TMEM131L: variants seen among roughly 807,000 people sequenced by gnomAD.
TMEM131L encodes the protein transmembrane 131 like.
TMEM131L carries 54 observed loss-of-function variants against 192.2 expected under a neutral mutation model. That is an observed-to-expected ratio of 0.28 (90% CI 0.23 to 0.35). TMEM131L has a LOEUF of 0.35. TMEM131L is among the 10% of genes least tolerant of loss of function. The pLI is 1.00. For synonymous variants in TMEM131L, 701 were observed against 704.9 expected (o/e 0.99, Z 0.09); for missense variants, 1,888 against 1,972.9 (o/e 0.96, Z 0.82).
Position 153,556,991 on chromosome 4 carries a change from C to G in TMEM131L, c.458C>G (p.Ser153Cys). The G allele has an allele frequency of 6.3e-7, 1 of 1,598,784 alleles. No individual in the cohort carries two copies. The highest frequency in any genetic ancestry group is 8.6e-7 in the Non-Finnish European group (1 of 1,167,926). Residue 153 changes from serine to cysteine, a missense_variant, in exon 6 of 35, where the codon TCC (serine) becomes TGC (cysteine). Physicochemically the swap from Ser to Cys is moderately radical, Grantham distance 112. Coordinates refer to ENST00000409959, the MANE Select transcript of TMEM131L (RefSeq NM_001131007.2). ...GTAATTCCAGCAATGGGGAAAACTT[C>G]CTTCAGAATTATTTTCTTACCTACT... ...CRVIPAMGKT[S>C]FRIIFLPTEE...
intron 24 of TMEM131L, 111 bp from the exon 25 acceptor site, chr4:153,603,691 A>C: frequency 8.0e-7 from 1 of 1,257,270 alleles, no homozygotes; most frequent in Non-Finnish European, 1.1e-6. Context: ...AAGGGAAGGT[A>C]AAACTTACAC....
chr4:153,473,635 T>C (rs1731312383), intron 2 of TMEM131L, among the ~76,000 whole-genome samples: 1 of 152,022 alleles, frequency 6.6e-6, no homozygotes, highest in African/African-American at 2.4e-5. Context: ...CTACTAAAAA[T>C]ACAAAAATTA....
At chr4:153,597,624 A>G (rs1337315203) in intron 20 of TMEM131L, among the ~76,000 whole-genome samples, 4 of 152,324 alleles carry the variant, frequency 2.6e-5, no homozygotes, top group East Asian at 1.9e-4. Context: ...TTTCACTCCA[A>G]TATGCATCAT....
intron 16 of TMEM131L, among the ~76,000 whole-genome samples, chr4:153,589,250 C>G (rs191713619): frequency 1.3e-5 from 2 of 152,148 alleles, no homozygotes; most frequent in Admixed American, 1.3e-4. Context: ...TCTATTAAGT[C>G]GACAACTTTC....
Position 153,466,787 on chromosome 4 carries a change from G to C in TMEM131L, c.124+266G>C, listed in dbSNP as rs552195645. Among the ~76,000 whole-genome samples, 17 of 152,238 alleles carry C rather than the reference G, an allele frequency of 1.1e-4. No individual in the cohort carries two copies. In the East Asian group the frequency reaches 2.9e-3, roughly 26 times the overall value. ...CTCGCGCCCTGGAGCCTTTGTGCGC[G>C]GGCCCCTGCGCCCCGGGCGCAGCCC... On this transcript the variant is annotated intron_variant, in intron 1 of 34. Coordinates refer to ENST00000409959, the MANE Select transcript of TMEM131L (RefSeq NM_001131007.2).
chr4:153,608,679 A>G (rs1732407692), intron 25 of TMEM131L, among the ~76,000 whole-genome samples: 1 of 152,214 alleles, frequency 6.6e-6, no homozygotes, highest in African/African-American at 2.4e-5. Context: ...AGAAATTCCA[A>G]AAATGTTCCT....
intron 21 of TMEM131L, 92 bp from the exon 22 acceptor site, chr4:153,602,060 T>G: frequency 1.3e-6 from 1 of 748,988 alleles, no homozygotes; most frequent in Non-Finnish European, 2.0e-6. Flanking sequence ...AGATCATGGT[T>G]TGGTTTATTC....
chr4:153,614,179 C>T (rs1036588500), intron 26 of TMEM131L, among the ~76,000 whole-genome samples: 1 of 152,116 alleles, frequency 6.6e-6, no homozygotes, highest in Non-Finnish European at 1.5e-5. Flanking sequence ...AGTTAGGGAG[C>T]CATCCGACTT....
At chr4:153,564,354 A>T (rs191360654) in intron 7 of TMEM131L, among the ~76,000 whole-genome samples, 1 of 150,160 alleles carries the variant, frequency 6.7e-6, no homozygotes, top group East Asian at 2.0e-4. Flanking sequence ...CCATTTGAGG[A>T]CATAGATGGC....
chr4:153,598,727 G>T lies in TMEM131L; in HGVS notation c.2261G>T (p.Arg754Leu). 2 of 1,612,652 alleles carry T rather than the reference G, an allele frequency of 1.2e-6. No homozygotes were observed. Among genetic ancestry groups the T allele is most frequent in the Non-Finnish European group, 1.7e-6 (2 of 1,179,078 alleles). Residue 754 changes from arginine (R) to leucine (L), a missense_variant, in exon 21 of 35, where the codon CGT (arginine) becomes CTT (leucine). Physicochemically the swap from Arg to Leu is moderately radical, Grantham distance 102. Coordinates refer to ENST00000409959, the MANE Select transcript of TMEM131L (RefSeq NM_001131007.2). ...KVPESTLMDCRRQLKDSKQIL... is the reference protein window; with the variant it reads ...KVPESTLMDCLRQLKDSKQIL... ...CCCGAGTCCACGCTGATGGACTGCC[G>T]TAGACGTGAGTTCATATGTGTGGCA...
At position 153,627,701 on chromosome 4, in the gene TMEM131L, G is replaced by T. The variant is rs368894194; in HGVS notation, c.4207+14G>T. 3.7e-6 allele frequency: 6 copies of T among 1,601,512 alleles called. No homozygotes were observed. Among genetic ancestry groups the T allele is most frequent in the Non-Finnish European group, 5.1e-6 (6 of 1,168,798 alleles). ...AAGAAGATAAAGGTGAGATGCATTCGTCTTGCTGCAGACATCAGCCAAGGG... is the reference window on the plus strand; with the variant it reads ...AAGAAGATAAAGGTGAGATGCATTCTTCTTGCTGCAGACATCAGCCAAGGG... On this transcript the variant is annotated intron_variant, in intron 31 of 34. Coordinates refer to ENST00000409959, the MANE Select transcript of TMEM131L (RefSeq NM_001131007.2).
chr4:153,572,772 T>G, intron 7 of TMEM131L, among the ~76,000 whole-genome samples: 1 of 152,222 alleles, frequency 6.6e-6, no homozygotes, highest in Non-Finnish European at 1.5e-5. Context: ...AGTAAGTACA[T>G]TCACAGTGTT....
At chr4:153,604,458 C>T (rs1732076117) in intron 25 of TMEM131L, 28 bp downstream of exon 25, 1 of 1,570,290 alleles carries the variant, frequency 6.4e-7, no homozygotes, top group Admixed American at 1.9e-5. Flanking sequence ...TTTGATAATT[C>T]TCTCCTGTTT....
chr4:153,602,517 A>G, intron 22 of TMEM131L, 25 bp from the exon 23 acceptor site: 8 of 1,609,398 alleles, frequency 5.0e-6, no homozygotes, highest in Non-Finnish European at 6.8e-6. Flanking sequence ...TTAAAAGTTC[A>G]TAAAGATGAC....
chr4:153,626,167 G>A lies in TMEM131L; in HGVS notation c.4066G>A (p.Asp1356Asn). The change falls in exon 30 of 35, where the codon GAT (aspartate) becomes AAT (asparagine). Residue 1356 changes from aspartate (D) to asparagine (N), a missense_variant. Asp to Asn is a conservative substitution (Grantham distance 23). Transcript: ENST00000409959. ...TGCAGGAGACAGTGTTTCACAAAATGATTTTCCTTCTGAAGCTCCCATCTC... is the reference window on the plus strand; with the variant it reads ...TGCAGGAGACAGTGTTTCACAAAATAATTTTCCTTCTGAAGCTCCCATCTC... ...LPAGDSVSQN[D>N]FPSEAPISLN... 2 of 1,611,566 alleles carry A rather than the reference G, an allele frequency of 1.2e-6. No individual in the cohort carries two copies. Among genetic ancestry groups the A allele is most frequent in the Non-Finnish European group, 1.7e-6 (2 of 1,177,972 alleles).
At chr4:153,470,302 A>G (rs1380113542) in intron 2 of TMEM131L, among the ~76,000 whole-genome samples, 3 of 152,192 alleles carry the variant, frequency 2.0e-5, no homozygotes, top group African/African-American at 7.2e-5. Flanking sequence ...TAGCTTACCT[A>G]ATATTTTAGT....
At chr4:153,546,445 G>A (rs952898527) in intron 3 of TMEM131L, among the ~76,000 whole-genome samples, 3 of 152,006 alleles carry the variant, frequency 2.0e-5, no homozygotes, top group African/African-American at 4.8e-5. Context: ...TCGCAAGAAA[G>A]GGGGGAAAAG....
At chr4:153,563,301 A>C (rs1728961948) in intron 7 of TMEM131L, among the ~76,000 whole-genome samples, 1 of 152,208 alleles carries the variant, frequency 6.6e-6, no homozygotes, top group Admixed American at 6.5e-5. Context: ...CACATAATTC[A>C]AATGGCATTT....
intron 28 of TMEM131L, 42 bp downstream of exon 28, chr4:153,621,891 AT>A (rs755316757): frequency 1.3e-6 from 2 of 1,596,718 alleles, no homozygotes; most frequent in Non-Finnish European, 1.7e-6. Flanking sequence ...TTCTGTGGGA[AT>A]TTTTGTTTCC....
Sources: gnomAD v4.1 joint callset for allele counts (sites outside exome capture counted in the v4.1 genomes callset) on GRCh38, gnomAD v4.1.1 for gene constraint, MANE v1.5 for transcripts, NCBI Gene and HGNC (gene_info 2026-07-23, HGNC 2026-07-21) for gene names.